Variants in DNMT3A observed in about 807,000 individuals in gnomAD.
DNMT3A encodes the protein DNA methyltransferase 3 alpha, also known as DNA (cytosine-5)-methyltransferase 3A.
Under a neutral mutation model 117.6 loss-of-function variants are expected in DNMT3A, and 267 were observed. The observed-to-expected ratio is 2.27, with a 90% CI of 2.05 to 2.51. DNMT3A has a LOEUF of 2.51. Among genes scored for constraint, DNMT3A ranks in the 30% most tolerant of loss-of-function variants. The pLI, the probability that DNMT3A is intolerant of heterozygous loss-of-function variation, is 0.00. For missense variants in DNMT3A, 1,029 were observed against 1,260.2 expected (o/e 0.82, Z 2.78); for synonymous variants, 432 against 474.8 (o/e 0.91, Z 1.17).
At chr2:25,332,239 G>A (rs767316126) in intron 1 of DNMT3A, among the ~76,000 whole-genome samples, 17 of 152,068 alleles carry the variant, frequency 1.1e-4, no homozygotes, top group South Asian at 2.1e-4. Context: ...CCCTGGCTTC[G>A]TATCCCATCG....
intron 6 of DNMT3A, among the ~76,000 whole-genome samples, chr2:25,270,274 C>T (rs1219386492): frequency 3.3e-5 from 5 of 152,172 alleles, no homozygotes; most frequent in Non-Finnish European, 5.9e-5. Context: ...AGCCAGAAGC[C>T]ACCCCTGCTG....
intron 1 of DNMT3A, among the ~76,000 whole-genome samples, chr2:25,338,825 G>A (rs1220508941): frequency 6.6e-6 from 1 of 152,160 alleles, no homozygotes; most frequent in Non-Finnish European, 1.5e-5. Flanking sequence ...CTAGCTTTTT[G>A]AGAACCACTG....
At chr2:25,292,544 A>G (rs2032833660) in intron 3 of DNMT3A, among the ~76,000 whole-genome samples, 1 of 152,018 alleles carries the variant, frequency 6.6e-6, no homozygotes, top group Non-Finnish European at 1.5e-5. Context: ...TGAAATTTCT[A>G]ATGGGTGTCC....
chr2:25,246,972 C>G (rs565030490), intron 9 of DNMT3A, 79 bp downstream of exon 9: 9 of 1,540,340 alleles, frequency 5.8e-6, no homozygotes, highest in African/African-American at 4.1e-5. Context: ...CCGTTCTGCT[C>G]AAGCCCGACC....
At chr2:25,310,105 G>C (rs1259333007) in intron 2 of DNMT3A, among the ~76,000 whole-genome samples, 1 of 152,146 alleles carries the variant, frequency 6.6e-6, no homozygotes, top group Non-Finnish European at 1.5e-5. Flanking sequence ...GCACCCGGCA[G>C]TCGGCGTTCA....
chr2:25,251,911 C>T lies in DNMT3A; in HGVS notation c.640-3659G>A. On this transcript the variant is annotated intron_variant, in intron 6 of 22. Transcript: ENST00000321117. Reference sequence around the variant, plus strand: ...CTCCGCGTGCCCCAGCCTGCAGTTACCACTGCCCGGGCTCCCGGCCGGCTG... The same window carrying T: ...CTCCGCGTGCCCCAGCCTGCAGTTATCACTGCCCGGGCTCCCGGCCGGCTG... The T allele has an allele frequency of 2.1e-6, 1 of 485,436 alleles. No homozygotes were observed. 30.1% of individuals were successfully genotyped at this position (485,436 alleles called of 1,614,324 possible).
intron 6 of DNMT3A, among the ~76,000 whole-genome samples, chr2:25,248,607 G>C (rs957207997): frequency 2.6e-5 from 4 of 152,000 alleles, no homozygotes; most frequent in Admixed American, 2.6e-4. Context: ...GAGTGCAGTG[G>C]CGCAATCTCG....
At position 25,241,610 on chromosome 2, in the gene DNMT3A, CT is replaced by C; in HGVS notation, c.2033del (p.Gln678ArgfsTer27). 6.2e-7 allele frequency: 1 copy of C among 1,613,746 alleles called. No individual in the cohort carries two copies. Among genetic ancestry groups the C allele is most frequent in the Non-Finnish European group, 8.5e-7 (1 of 1,179,876 alleles). On this transcript the variant is annotated frameshift_variant, in exon 17 of 23. Coordinates refer to ENST00000321117, the MANE Select transcript of DNMT3A (RefSeq NM_022552.5). LOFTEE classifies it high-confidence loss of function. ...CGTCCCCGACGTACATGATCTTCCC[CT>C]GGTGCCGCACCATGCCCACCGTGAT... ...DSITVGMVRH[Q>X]GKIMYVGDVR...
chr2:25,234,875 C>G lies in DNMT3A; in HGVS notation c.2598-455G>C, dbSNP rs1673180123. ...AAGAGCAGGGAAGGCGAAAAAGGAG[C>G]CGAACTCCTGCCTGACTTCAGAAGC... On this transcript the variant is annotated intron_variant, in intron 22 of 22. Transcript: ENST00000321117. This position sits in a 1 kb window ranked among gnomAD's most constrained non-coding sequence, Gnocchi z 4.5. Among the ~76,000 whole-genome samples, 1 of 152,148 alleles carries G rather than the reference C, an allele frequency of 6.6e-6. No homozygotes were observed. Among genetic ancestry groups the G allele is most frequent in the Non-Finnish European group, 1.5e-5 (1 of 68,022 alleles).
Position 25,243,921 on chromosome 2 carries a change from G to T in DNMT3A, c.1913C>A (p.Ser638Tyr). 1 of 1,552,118 alleles carries T rather than the reference G, an allele frequency of 6.4e-7. No individual in the cohort carries two copies. Among genetic ancestry groups the T allele is most frequent in the Non-Finnish European group, 8.7e-7 (1 of 1,147,104 alleles). ...AEKRKPIRVL[S>Y]LFDGIATGLL... ...ACCTGTAGCGATTCCATCAAAGAGA[G>T]ACAGCACCCGGATGGGCTTCCTCTT... The change falls in exon 16 of 23, where the codon TCT becomes TAT. Residue 638 changes from serine to tyrosine, a missense_variant. Physicochemically the swap from Ser to Tyr is moderately radical, Grantham distance 144. Coordinates refer to ENST00000321117, the MANE Select transcript of DNMT3A (RefSeq NM_022552.5).
chr2:25,290,781 C>CG (rs1427167597), intron 3 of DNMT3A, among the ~76,000 whole-genome samples: 1 of 137,640 alleles, frequency 7.3e-6, no homozygotes, highest in Non-Finnish European at 1.5e-5. Flanking sequence ...CAGCGATCAC[C>CG]GGGGAAGGGG....
chr2:25,339,015 G>C lies in DNMT3A; in HGVS notation c.-178+2811C>G, dbSNP rs556128350. On this transcript the variant is annotated intron_variant, in intron 1 of 22. Transcript: ENST00000321117. The surrounding 1 kb of genome is among the most constrained non-coding windows in gnomAD (Gnocchi z 4.9). ...CTGTACTTTTTACACCCTCTGCAGA[G>C]TCGGACGTGACCAACCCGTCTCTTG... Among the ~76,000 whole-genome samples the C allele has an allele frequency of 2.3e-4, 35 of 152,204 alleles. No homozygotes were observed. The South Asian group carries it at 6.0e-3, about 26-fold the overall frequency.
At position 25,231,391 on chromosome 2, in the gene DNMT3A, ATG is replaced by A. The variant is rs1672881186; in HGVS notation, c.*2886_*2887del. ...AAGAGGTGACAGGAAGCAACTGGGC[ATG>A]ATCTTAAACACCAATCTGTCGAGGA... On this transcript the variant is annotated 3_prime_UTR_variant, in exon 23 of 23. Transcript: ENST00000321117. The A allele has an allele frequency of 6.6e-6, 1 of 152,230 alleles. No homozygotes were observed. The allele number at this position is 152,230 out of a possible 1,614,324, so 9.4% of individuals were successfully genotyped here.
intron 1 of DNMT3A, among the ~76,000 whole-genome samples, chr2:25,328,086 C>T (rs932264624): frequency 3.3e-5 from 5 of 152,204 alleles, no homozygotes; most frequent in Non-Finnish European, 7.3e-5. Flanking sequence ...ACATGGCTCC[C>T]TCTATGAAAA....
chr2:25,253,228 T>C (rs1279986798), intron 6 of DNMT3A, among the ~76,000 whole-genome samples: 1 of 151,964 alleles, frequency 6.6e-6, no homozygotes, highest in African/African-American at 2.4e-5. Flanking sequence ...GCAGACGCAG[T>C]CCCCACCCAC....
chr2:25,282,182 C>A lies in DNMT3A; in HGVS notation c.448+259G>T. The A allele has an allele frequency of 1.7e-6, 2 of 1,196,786 alleles. No individual in the cohort carries two copies. The highest frequency in any genetic ancestry group is 2.1e-6 in the Non-Finnish European group (2 of 940,026). The allele number at this position is 1,196,786 out of a possible 1,614,324, so 74.1% of individuals were successfully genotyped here. On this transcript the variant is annotated intron_variant, in intron 4 of 22. Transcript: ENST00000321117. This position sits in a 1 kb window ranked among gnomAD's most constrained non-coding sequence, Gnocchi z 5.2. ...TTTTTTTTTTCATGAGAAGCCAAAA[C>A]TCCAGATTTTTATGTGAAATTTTTT... is the stretch of plus-strand genomic sequence containing the variant.
chr2:25,247,679 C>G lies in DNMT3A; in HGVS notation c.926G>C (p.Arg309Pro), dbSNP rs1553414043. Residue 309 changes from arginine to proline, a missense_variant, in exon 8 of 23, where the codon CGC becomes CCC. Transcript: ENST00000321117. This position sits in a 1 kb window ranked among gnomAD's most constrained non-coding sequence, Gnocchi z 5.6. ...KLRGFSWWPG[R>P]IVSWWMTGRS... ...GCCCGTCATCCACCAAGACACAATG[C>G]GGCCTGGCCACCAGGAGAAGCCCCG... The G allele has an allele frequency of 1.2e-6, 2 of 1,613,814 alleles. No homozygotes were observed. Among genetic ancestry groups the G allele is most frequent in the African/African-American group, 1.3e-5 (1 of 74,914 alleles).
intron 6 of DNMT3A, 94 bp downstream of exon 6, chr2:25,274,847 C>A (rs2031260962): frequency 6.6e-7 from 1 of 1,516,160 alleles, no homozygotes; most frequent in Non-Finnish European, 8.8e-7. Flanking sequence ...CCAGTAAGTT[C>A]TAAGGGTTAG....
intron 17 of DNMT3A, 146 bp from the exon 18 acceptor site, chr2:25,240,876 G>T: frequency 1.4e-6 from 1 of 722,248 alleles, no homozygotes; most frequent in Non-Finnish European, 2.3e-6. Context: ...CACGACCCTA[G>T]CTGCAACCAT....
Sources: gnomAD v4.1 joint callset for allele counts (sites outside exome capture counted in the v4.1 genomes callset) on GRCh38, gnomAD v4.1.1 for gene constraint, Gnocchi (gnomAD v3.1) non-coding constraint, MANE v1.5 for transcripts, NCBI Gene and HGNC (gene_info 2026-07-23, HGNC 2026-07-21) for gene names.